The following MARF1 variants were observed in gnomAD, a reference collection of about 807,000 sequenced individuals.
MARF1 encodes the protein meiosis regulator and mRNA stability factor 1, also known as limkain-b1.
A neutral mutation model predicts 168.2 loss-of-function variants in MARF1; 24 were observed. The ratio of observed to expected loss-of-function variants is 0.14; its 90% CI spans 0.10 to 0.20. The LOEUF (loss-of-function observed/expected upper bound fraction) is 0.20, where lower values mean the gene tolerates loss of function less well. MARF1 is among the 10% of genes least tolerant of loss of function. MARF1 has a pLI of 1.00. For synonymous variants in MARF1, 868 were observed against 822.4 expected (o/e 1.06, Z -0.95); for missense variants, 1,744 against 2,143.6 (o/e 0.81, Z 3.68).
In MARF1 at chr16:15,596,590, G is replaced by C; in HGVS notation, c.*103C>G. On this transcript the variant is annotated 3_prime_UTR_variant, in exon 27 of 27. Coordinates refer to ENST00000396368, the MANE Select transcript of MARF1 (RefSeq NM_014647.4). ...CAGGTAAGATGAAGTCAATGGCTTCGGGGGGTTTTCATGACACAGAAAAGG... is the reference window on the plus strand; with the variant it reads ...CAGGTAAGATGAAGTCAATGGCTTCCGGGGGTTTTCATGACACAGAAAAGG... 8.2e-7 allele frequency: 1 copy of C among 1,221,422 alleles called. No individual in the cohort carries two copies. Among genetic ancestry groups the C allele is most frequent in the South Asian group, 2.0e-5 (1 of 51,266 alleles). The allele number at this position is 1,221,422 out of a possible 1,614,324, so 75.7% of individuals were successfully genotyped here. A position where few individuals can be genotyped will look rare whatever the true frequency, so the allele number is the denominator to read the frequency against.
At chr16:15,609,193 T>G (rs1596453429) in intron 20 of MARF1, among the ~76,000 whole-genome samples, 1 of 152,022 alleles carries the variant, frequency 6.6e-6, no homozygotes, top group Admixed American at 6.6e-5. Flanking sequence ...GAGCCAAGAT[T>G]GCGCCATTGC....
chr16:15,632,562 G>T (rs1183037367), intron 5 of MARF1, among the ~76,000 whole-genome samples: 1 of 152,208 alleles, frequency 6.6e-6, no homozygotes, highest in Non-Finnish European at 1.5e-5. Flanking sequence ...TGAGGTGGTA[G>T]AGAGAGGAGG....
chr16:15,618,823 C>G (rs894896297), intron 13 of MARF1, among the ~76,000 whole-genome samples: 5 of 152,174 alleles, frequency 3.3e-5, no homozygotes, highest in African/African-American at 9.7e-5. Context: ...GCCCCTAAAA[C>G]CTGAATGTCC....
intron 21 of MARF1, among the ~76,000 whole-genome samples, chr16:15,606,351 C>G (rs2033013380): frequency 1.3e-5 from 2 of 152,092 alleles, no homozygotes; most frequent in Non-Finnish European, 2.9e-5. Context: ...TGAATCCAAC[C>G]ACCTGCTTTC....
At chr16:15,640,520 A>G (rs1288106427) in intron 1 of MARF1, among the ~76,000 whole-genome samples, 1 of 152,176 alleles carries the variant, frequency 6.6e-6, no homozygotes, top group Admixed American at 6.5e-5. Context: ...CCTGGGCAAC[A>G]TGGCAAAACC....
intron 7 of MARF1, among the ~76,000 whole-genome samples, chr16:15,627,527 A>G (rs1428634528): frequency 6.6e-6 from 1 of 152,176 alleles, no homozygotes; most frequent in Non-Finnish European, 1.5e-5. Flanking sequence ...CTGAGGAAGG[A>G]GAATCAATTG....
intron 2 of MARF1, 44 bp from the exon 3 acceptor site, chr16:15,636,386 G>A (rs763413283): frequency 9.6e-6 from 14 of 1,460,888 alleles, no homozygotes; most frequent in Admixed American, 4.6e-5. Context: ...TATGAGGTCC[G>A]TGGTTTTTTG....
intron 21 of MARF1, among the ~76,000 whole-genome samples, chr16:15,607,548 C>T (rs2033121006): frequency 1.3e-5 from 2 of 152,152 alleles, no homozygotes; most frequent in Admixed American, 1.3e-4. Context: ...GACTCCAACT[C>T]CAAAAAAACC....
Position 15,601,986 on chromosome 16 carries a change from C to T in MARF1, c.4626+5G>A. ...GCTCTCCCGGAAGCTGAGAAAAATG[C>T]CCACCTGTGGAATTGCTCCCAAGAG... On this transcript the variant is annotated splice_donor_5th_base_variant and intron_variant, in intron 23 of 26. Coordinates refer to ENST00000396368, the MANE Select transcript of MARF1 (RefSeq NM_014647.4). 1 of 1,613,426 alleles carries T rather than the reference C, an allele frequency of 6.2e-7. No individual in the cohort carries two copies. Among genetic ancestry groups the T allele is most frequent in the South Asian group, 1.1e-5 (1 of 91,066 alleles).
chr16:15,639,621 G>C (rs1392202416), intron 1 of MARF1, among the ~76,000 whole-genome samples: 2 of 152,082 alleles, frequency 1.3e-5, no homozygotes, highest in Non-Finnish European at 2.9e-5. Context: ...GGCTGGTCTT[G>C]AACTCCTGAC....
At chr16:15,606,924 G>C (rs930861687) in intron 21 of MARF1, among the ~76,000 whole-genome samples, 3 of 152,146 alleles carry the variant, frequency 2.0e-5, no homozygotes, top group African/African-American at 7.2e-5. Flanking sequence ...ATGCTGTCCA[G>C]ATGACCTGGG....
chr16:15,610,863 TG>T, intron 19 of MARF1, 111 bp downstream of exon 19: 1 of 1,011,828 alleles, frequency 9.9e-7, no homozygotes, highest in Non-Finnish European at 1.5e-6. Flanking sequence ...GTGCTTTCTG[TG>T]GAATCTTCAG....
Position 15,596,630 on chromosome 16 carries a change from C to T in MARF1, c.*63G>A. 1.4e-6 allele frequency: 2 copies of T among 1,455,902 alleles called. No individual in the cohort carries two copies. Among genetic ancestry groups the T allele is most frequent in the Non-Finnish European group, 1.8e-6 (2 of 1,095,764 alleles). The allele number at this position is 1,455,902 out of a possible 1,614,324, so 90.2% of individuals were successfully genotyped here. A position where few individuals can be genotyped will look rare whatever the true frequency, so the allele number is the denominator to read the frequency against. On this transcript the variant is annotated 3_prime_UTR_variant, in exon 27 of 27. Coordinates refer to ENST00000396368, the MANE Select transcript of MARF1 (RefSeq NM_014647.4). ...CACAGAAAAGGATGTATTTTTGAAA[C>T]CCACTTTTGTGTGCAGAATCAGACA...
chr16:15,605,850 A>G (rs571743201), intron 21 of MARF1: 1 of 152,478 alleles, frequency 6.6e-6, no homozygotes, highest in Admixed American at 6.5e-5. Flanking sequence ...ACACTCACCC[A>G]GCAAAGCCCT....
In MARF1 at chr16:15,623,125, T is replaced by A; in HGVS notation, c.2271-2A>T. On this transcript the variant is annotated splice_acceptor_variant, in intron 10 of 26. Coordinates refer to ENST00000396368, the MANE Select transcript of MARF1 (RefSeq NM_014647.4). LOFTEE classifies it high-confidence loss of function. ...TTTAAAAGGTTTGGAGACATACTCC[T>A]GCTTAAAACACACATATTGACATTA... 1 of 1,575,008 alleles carries A rather than the reference T, an allele frequency of 6.3e-7. No individual in the cohort carries two copies. The highest frequency in any genetic ancestry group is 8.7e-7 in the Non-Finnish European group (1 of 1,151,486).
chr16:15,636,144 G>A lies in MARF1; in HGVS notation c.343C>T (p.Arg115Cys), dbSNP rs201651611. The A allele has an allele frequency of 5.3e-5, 85 of 1,614,056 alleles. No homozygotes were observed. The highest frequency in any genetic ancestry group is 6.7e-5 in the Non-Finnish European group (79 of 1,180,030). Residue 115 changes from arginine to cysteine, a missense_variant, in exon 3 of 27, where the codon CGT becomes TGT. Around this residue, in one of 7 missense-constraint regions of MARF1, gnomAD observed 318 missense variants for 336.6 expected, o/e 0.94. Transcript: ENST00000396368. ...CTACCGCCACCACCACCACCAAAAC[G>A]CATTGGCGAAGTGGAGGGTTCATTA... is the stretch of plus-strand genomic sequence containing the variant. ...CPNEPSTSPM[R>C]FGGGGGGSGG...
intron 18 of MARF1, among the ~76,000 whole-genome samples, 162 bp from the exon 19 acceptor site, chr16:15,611,270 A>G (rs2033514881): frequency 6.6e-6 from 1 of 152,080 alleles, no homozygotes; most frequent in Non-Finnish European, 1.5e-5. Flanking sequence ...CATCCTGGCT[A>G]ACATGGTGAA....
Position 15,636,045 on chromosome 16 carries a change from C to T in MARF1, c.442G>A (p.Val148Ile), listed in dbSNP as rs1467714206. The change falls in exon 3 of 27, where the codon GTA becomes ATA. Residue 148 changes from valine (V) to isoleucine (I), a missense_variant. Transcript: ENST00000396368. ...SQSTRTITCQ[V>I]GSGFAFQSAS... The stretch of plus-strand genomic sequence containing the variant: ...GACTGGAAAGCAAACCCTGACCCTA[C>T]CTGACACGTGATTGTCCTGGTGCTT... The T allele has an allele frequency of 3.1e-6, 5 of 1,614,104 alleles. No homozygotes were observed. Among genetic ancestry groups the T allele is most frequent in the East Asian group, 4.5e-5 (2 of 44,900 alleles).
chr16:15,626,450 C>G lies in MARF1; in HGVS notation c.1525-650G>C, dbSNP rs192642970. Among the ~76,000 whole-genome samples the G allele has an allele frequency of 3.3e-3, 497 of 152,248 alleles. 1 individual carries two copies. The highest frequency in any genetic ancestry group is 5.2e-3 in the Non-Finnish European group (356 of 68,012). On this transcript the variant is annotated intron_variant, in intron 7 of 26. Coordinates refer to ENST00000396368, the MANE Select transcript of MARF1 (RefSeq NM_014647.4). ...TCTGCTGAATAATAACTTATAGAGC[C>G]AGAAGGTGAGCAGGGTCAGTCCTGG... is the stretch of plus-strand genomic sequence containing the variant.
Sources: allele counts gnomAD v4.1 joint callset (sites outside exome capture counted in the v4.1 genomes callset), GRCh38; gene constraint gnomAD v4.1.1; regional missense constraint gnomAD v4.1.1; transcripts MANE v1.5; gene names NCBI Gene and HGNC (gene_info 2026-07-23, HGNC 2026-07-21).